The following ERP44 variants were observed in gnomAD, a reference collection of about 807,000 sequenced individuals.
The protein encoded by ERP44 is endoplasmic reticulum protein 44, also known as endoplasmic reticulum resident protein 44.
In ERP44, 25 loss-of-function variants were observed where a neutral mutation model predicts 53.4. That is an observed-to-expected ratio of 0.47 (90% CI 0.34 to 0.65). ERP44 has a LOEUF of 0.65. ERP44 is among the 30% of genes least tolerant of loss of function. The pLI is 0.01. For missense variants in ERP44, 338 were observed against 493.2 expected, an observed-to-expected ratio of 0.69 and a Z score of 2.98; for synonymous variants, 145 against 161.2, an observed-to-expected ratio of 0.90 and a Z score of 0.76.
intron 3 of ERP44, 62 bp from the exon 4 acceptor site, chr9:100,052,594 G>C: frequency 1.4e-6 from 1 of 697,110 alleles, no homozygotes; most frequent in Non-Finnish European, 2.4e-6. Flanking sequence ...TCTTATTTCC[G>C]TTATTGCCCA....
At chr9:100,084,766 C>T (rs1034246999) in intron 1 of ERP44, among the ~76,000 whole-genome samples, 1 of 152,168 alleles carries the variant, frequency 6.6e-6, no homozygotes, top group Non-Finnish European at 1.5e-5. Flanking sequence ...TCGTATCATA[C>T]GGAACTATGG....
intron 10 of ERP44, among the ~76,000 whole-genome samples, chr9:100,000,435 C>CAAAAAAAA (rs34304276): frequency 1.6e-5 from 2 of 123,982 alleles, no homozygotes; most frequent in African/African-American, 5.8e-5. Context: ...GATCCTGTAT[C>CAAAAAAAA]AAAAAAAAAA....
intron 1 of ERP44, among the ~76,000 whole-genome samples, chr9:100,095,906 C>T (rs1056533379): frequency 2.0e-5 from 3 of 152,030 alleles, no homozygotes; most frequent in Admixed American, 1.3e-4. Context: ...GTACTTGTAA[C>T]GATTAAATAA....
chr9:100,024,341 A>AC (rs1830629262), intron 4 of ERP44, among the ~76,000 whole-genome samples: 1 of 150,326 alleles, frequency 6.7e-6, no homozygotes, highest in Non-Finnish European at 1.5e-5. Context: ...AAGTTAAAAA[A>AC]AAAAAAAAGC....
chr9:100,048,457 T>C (rs1371467541), intron 4 of ERP44, among the ~76,000 whole-genome samples: 1 of 152,128 alleles, frequency 6.6e-6, no homozygotes, highest in Non-Finnish European at 1.5e-5. Flanking sequence ...AAAGATGGTA[T>C]GATGTTTCTT....
chr9:100,092,157 A>C (rs1013871649), intron 1 of ERP44, among the ~76,000 whole-genome samples: 1 of 152,250 alleles, frequency 6.6e-6, no homozygotes, highest in Non-Finnish European at 1.5e-5. Flanking sequence ...TCTCTATGGA[A>C]TCAAAGTTAG....
At chr9:100,000,394 C>T (rs1052448271) in intron 10 of ERP44, among the ~76,000 whole-genome samples, 1 of 150,594 alleles carries the variant, frequency 6.6e-6, no homozygotes, top group African/African-American at 2.5e-5. Flanking sequence ...TATGATTGCT[C>T]CACTGCACGC....
intron 1 of ERP44, among the ~76,000 whole-genome samples, chr9:100,093,775 A>C (rs912156628): frequency 2.0e-5 from 3 of 152,248 alleles, no homozygotes; most frequent in Non-Finnish European, 2.9e-5. Flanking sequence ...TGACTTTTAC[A>C]CCTAAGAAGC....
intron 2 of ERP44, 40 bp from the exon 3 acceptor site, chr9:100,057,899 A>C: frequency 6.9e-7 from 1 of 1,452,222 alleles, no homozygotes. Flanking sequence ...TATTTGTAAT[A>C]ATTTTGACAT....
intron 10 of ERP44, among the ~76,000 whole-genome samples, chr9:99,996,711 C>T (rs1447396159): frequency 1.3e-5 from 2 of 152,112 alleles, no homozygotes; most frequent in African/African-American, 2.4e-5. Context: ...TCCCCAAAGT[C>T]CATTGTTTTA....
intron 3 of ERP44, among the ~76,000 whole-genome samples, chr9:100,056,150 A>G (rs1564099381): frequency 6.6e-6 from 1 of 152,190 alleles, no homozygotes; most frequent in Non-Finnish European, 1.5e-5. Context: ...GTTTTTCTTC[A>G]GACATCATCT....
intron 4 of ERP44, among the ~76,000 whole-genome samples, chr9:100,024,041 G>T (rs1345625405): frequency 6.6e-6 from 1 of 152,020 alleles, no homozygotes; most frequent in African/African-American, 2.4e-5. Context: ...TGTAATCCCA[G>T]CTATCTGGTG....
intron 1 of ERP44, among the ~76,000 whole-genome samples, chr9:100,064,383 A>G (rs150437867): frequency 6.6e-6 from 1 of 152,358 alleles, no homozygotes; most frequent in East Asian, 1.9e-4. Flanking sequence ...AGTAGGAGGA[A>G]AAGGTCCAGA....
chr9:100,077,947 T>C (rs1826376622), intron 1 of ERP44, among the ~76,000 whole-genome samples: 1 of 151,888 alleles, frequency 6.6e-6, no homozygotes, highest in Non-Finnish European at 1.5e-5. Flanking sequence ...TTTGGGTCAC[T>C]CCACCAGGAA....
Position 100,082,827 on chromosome 9 carries a change from A to G in ERP44, c.57+15957T>C, listed in dbSNP as rs550760026. 2.6e-5 allele frequency among the ~76,000 whole-genome samples: 4 copies of G among 152,272 alleles called. No individual in the cohort carries two copies. In the South Asian group the frequency reaches 8.3e-4, roughly 32 times the overall value. The stretch of plus-strand genomic sequence containing the variant: ...CTATATTGTTCAAGGGGTTAACTGT[A>G]TATTAAAAAGCATGCTCTAAATCCT... On this transcript the variant is annotated intron_variant, in intron 1 of 11. Coordinates refer to ENST00000262455, the MANE Select transcript of ERP44 (RefSeq NM_015051.3).
At chr9:100,060,709 T>C (rs183510184) in intron 1 of ERP44, among the ~76,000 whole-genome samples, 32 of 152,312 alleles carry the variant, frequency 2.1e-4, no homozygotes, top group Admixed American at 9.1e-4. Context: ...AAAATAAGAA[T>C]GTTTTTGCAC....
At chr9:100,012,719 G>A (rs888336011) in intron 8 of ERP44, among the ~76,000 whole-genome samples, 3 of 152,116 alleles carry the variant, frequency 2.0e-5, no homozygotes, top group Admixed American at 2.0e-4. Flanking sequence ...GTAAAAAAAA[G>A]TCTTTTAAAG....
chr9:100,098,139 C>A (rs957939841), intron 1 of ERP44, among the ~76,000 whole-genome samples: 11 of 152,128 alleles, frequency 7.2e-5, no homozygotes, highest in Non-Finnish European at 1.3e-4. Context: ...AATGCATATT[C>A]AAATAAGGCG....
At chr9:100,061,238 G>A (rs577801228) in intron 1 of ERP44, among the ~76,000 whole-genome samples, 2 of 152,144 alleles carry the variant, frequency 1.3e-5, no homozygotes, top group Admixed American at 1.3e-4. Context: ...GAGGTCAAAA[G>A]ATCGAGACCA....
Sources: allele counts gnomAD v4.1 joint callset (sites outside exome capture counted in the v4.1 genomes callset), GRCh38; gene constraint gnomAD v4.1.1; transcripts MANE v1.5; gene names NCBI Gene and HGNC (gene_info 2026-07-23, HGNC 2026-07-21).